Variants in TASP1 observed in about 807,000 individuals in gnomAD.
TASP1 encodes the protein threonine aspartase 1.
Under a neutral mutation model 56.6 loss-of-function variants are expected in TASP1, and 16 were observed. The observed-to-expected ratio is 0.28, with a 90% CI of 0.19 to 0.43. TASP1 has a LOEUF of 0.43. Ranked by LOEUF, TASP1 falls within the 20% of genes least tolerant of loss-of-function variation. The pLI is 1.00. For synonymous variants in TASP1, 179 were observed against 184.2 expected (o/e 0.97, Z 0.23); for missense variants, 393 against 511.6 (o/e 0.77, Z 2.24).
chr20:13,126,544 G>A, the TASP1 span: 6 of 1,606,312 alleles, frequency 3.7e-6, no homozygotes, highest in Non-Finnish European at 3.4e-6. Context: ...CACCACCAGT[G>A]TTGAGATTTA....
chr20:13,222,702 G>A, the TASP1 span, among the ~76,000 whole-genome samples: 1 of 152,218 alleles, frequency 6.6e-6, no homozygotes, highest in African/African-American at 2.4e-5. Context: ...TGGACGGTCA[G>A]ACATAATGTG....
At chr20:13,632,807 T>C (rs1017358399) in intron 1 of TASP1, among the ~76,000 whole-genome samples, 24 of 152,156 alleles carry the variant, frequency 1.6e-4, no homozygotes, top group Non-Finnish European at 3.1e-4. Context: ...AGGTCTGACA[T>C]CTAATAAATA....
chr20:13,530,197 C>T (rs537794826), intron 9 of TASP1, among the ~76,000 whole-genome samples: 8 of 152,274 alleles, frequency 5.3e-5, no homozygotes, highest in South Asian at 2.1e-4. Context: ...TAACCAGAGA[C>T]GGAAGTCTCC....
At chr20:13,274,059 T>TTG in the TASP1 span, among the ~76,000 whole-genome samples, 15,928 of 150,432 alleles carry the variant, frequency 0.11, 906 homozygotes, top group African/African-American at 0.15. Context: ...TGGCGTGTAA[T>TTG]TGTGTGTGTG....
the TASP1 span, among the ~76,000 whole-genome samples, chr20:13,120,926 A>G: frequency 0.012 from 1,824 of 152,326 alleles, 41 homozygotes; most frequent in African/African-American, 0.042. Context: ...ACAGCCTAAC[A>G]TGGAGGAGTC....
At chr20:13,611,469 G>A (rs1223564924) in intron 4 of TASP1, among the ~76,000 whole-genome samples, 1 of 152,094 alleles carries the variant, frequency 6.6e-6, no homozygotes, top group Non-Finnish European at 1.5e-5. Context: ...AGTTTGATTT[G>A]AAGCTCATTT....
the TASP1 span, among the ~76,000 whole-genome samples, chr20:13,325,632 A>G: frequency 6.6e-6 from 1 of 152,246 alleles, no homozygotes; most frequent in Admixed American, 6.5e-5. Context: ...AATTCCTTTC[A>G]GAAGAAAGCC....
At chr20:13,462,221 C>CA (rs2044080389) in intron 11 of TASP1, among the ~76,000 whole-genome samples, 1 of 152,154 alleles carries the variant, frequency 6.6e-6, no homozygotes, top group Non-Finnish European at 1.5e-5. Context: ...AAATGAATCA[C>CA]TCAAGATTTT....
At chr20:13,110,233 G>C in the TASP1 span, 1 of 1,607,606 alleles carries the variant, frequency 6.2e-7, no homozygotes, top group East Asian at 2.2e-5. Context: ...TAAATAACAG[G>C]ACACATTTTA....
At chr20:13,285,648 C>A in the TASP1 span, among the ~76,000 whole-genome samples, 3 of 152,328 alleles carry the variant, frequency 2.0e-5, no homozygotes, top group South Asian at 2.1e-4. Context: ...CAAAGCAAGT[C>A]ATGTGGCCCA....
the TASP1 span, among the ~76,000 whole-genome samples, chr20:13,212,471 T>G: frequency 8.5e-5 from 13 of 152,184 alleles, no homozygotes; most frequent in Non-Finnish European, 1.6e-4. Flanking sequence ...AATATTACCA[T>G]GCCTGATATT....
At chr20:13,259,037 C>T in the TASP1 span, among the ~76,000 whole-genome samples, 1 of 152,150 alleles carries the variant, frequency 6.6e-6, no homozygotes, top group East Asian at 1.9e-4. Flanking sequence ...AATCCCAACA[C>T]TTTGGGAGGC....
At chr20:13,452,406 C>T (rs563400243) in intron 11 of TASP1, among the ~76,000 whole-genome samples, 138 of 143,966 alleles carry the variant, frequency 9.6e-4, no homozygotes, top group Non-Finnish European at 1.5e-3. Flanking sequence ...GTGTGATACA[C>T]ATACATTAAA....
chr20:13,271,067 T>C, the TASP1 span, among the ~76,000 whole-genome samples: 1 of 152,084 alleles, frequency 6.6e-6, no homozygotes, highest in African/African-American at 2.4e-5. Context: ...TAGTCTGAAA[T>C]ATAAAAACAA....
At chr20:13,592,069 C>T (rs921601143) in intron 4 of TASP1, among the ~76,000 whole-genome samples, 1 of 151,780 alleles carries the variant, frequency 6.6e-6, no homozygotes, top group Non-Finnish European at 1.5e-5. Flanking sequence ...TAGAAAATAA[C>T]GAGATGATTG....
chr20:13,445,526 G>T (rs193223878), intron 11 of TASP1, among the ~76,000 whole-genome samples: 43 of 152,298 alleles, frequency 2.8e-4, no homozygotes, highest in African/African-American at 9.9e-4. Flanking sequence ...GTGATGAGTT[G>T]AGACAGGTGA....
the TASP1 span, among the ~76,000 whole-genome samples, chr20:13,211,541 C>T: frequency 9.1e-3 from 1,389 of 152,200 alleles, 7 homozygotes; most frequent in Non-Finnish European, 0.016. Context: ...ATTCAATTCA[C>T]TCAGTACTTC....
chr20:13,349,602 C>T, the TASP1 span, among the ~76,000 whole-genome samples: 2 of 152,084 alleles, frequency 1.3e-5, no homozygotes, highest in Non-Finnish European at 2.9e-5. Flanking sequence ...TTTTGTTTTA[C>T]GTGATCTGAA....
the TASP1 span, chr20:13,153,958 T>G: frequency 6.2e-7 from 1 of 1,604,552 alleles, no homozygotes; most frequent in Non-Finnish European, 8.5e-7. Context: ...TTTACTTCCC[T>G]CTTTCTAGTG....
Sources: gnomAD v4.1 joint callset for allele counts (sites outside exome capture counted in the v4.1 genomes callset) on GRCh38, gnomAD v4.1.1 for gene constraint, MANE v1.5 for transcripts, NCBI Gene and HGNC (gene_info 2026-07-23, HGNC 2026-07-21) for gene names.